Variants in KLHL8 observed in about 807,000 individuals in gnomAD.
The protein encoded by KLHL8 is kelch-like protein 8.
A neutral mutation model predicts 63.5 loss-of-function variants in KLHL8; 38 were observed. The ratio of observed to expected loss-of-function variants is 0.60; its 90% CI spans 0.46 to 0.78. The LOEUF is 0.78. Among genes scored for constraint, KLHL8 ranks in the 30% least tolerant of loss-of-function variants. The pLI is 0.00. For synonymous variants in KLHL8, 224 were observed against 254.3 expected, an observed-to-expected ratio of 0.88 and a Z score of 1.13; for missense variants, 566 against 752.4, an observed-to-expected ratio of 0.75 and a Z score of 2.90.
At chr4:87,196,227 G>T (rs1351747838) in intron 1 of KLHL8, among the ~76,000 whole-genome samples, 2 of 151,016 alleles carry the variant, frequency 1.3e-5, no homozygotes, top group African/African-American at 4.9e-5. Flanking sequence ...TTTCATCCAA[G>T]CCTAAGTAGA....
intron 2 of KLHL8, 60 bp downstream of exon 2, chr4:87,195,264 C>T: frequency 2.9e-6 from 4 of 1,368,220 alleles, no homozygotes; most frequent in South Asian, 2.6e-5. Context: ...GTTACAGAAA[C>T]CCCCATTTCT....
At chr4:87,206,294 G>T (rs1732130128) in intron 1 of KLHL8, among the ~76,000 whole-genome samples, 1 of 152,146 alleles carries the variant, frequency 6.6e-6, no homozygotes, top group South Asian at 2.1e-4. Flanking sequence ...ATCTCTCAAG[G>T]ATTAGATGCT....
intron 1 of KLHL8, among the ~76,000 whole-genome samples, chr4:87,201,089 C>T (rs1414381294): frequency 1.3e-5 from 2 of 152,034 alleles, no homozygotes; most frequent in Non-Finnish European, 2.9e-5. Flanking sequence ...CTGAAGCAGT[C>T]AAATTCATAG....
intron 1 of KLHL8, among the ~76,000 whole-genome samples, chr4:87,199,104 A>G (rs1405426954): frequency 6.6e-6 from 1 of 152,290 alleles, no homozygotes; most frequent in South Asian, 2.1e-4. Context: ...AAAAAAACCT[A>G]CTTTAAGTAT....
At chr4:87,206,337 A>C (rs576362476) in intron 1 of KLHL8, among the ~76,000 whole-genome samples, 1 of 152,292 alleles carries the variant, frequency 6.6e-6, no homozygotes, top group Middle Eastern at 3.4e-3. Context: ...TGTCCTTTCC[A>C]AACTGCTTAA....
At chr4:87,166,260 G>A (rs146353148) in intron 8 of KLHL8, among the ~76,000 whole-genome samples, 81 of 152,292 alleles carry the variant, frequency 5.3e-4, no homozygotes, top group Non-Finnish European at 7.9e-4. Context: ...TAATACACAT[G>A]AGCACTGAAA....
At chr4:87,170,014 T>A in intron 8 of KLHL8, 65 bp downstream of exon 8, 1 of 1,255,744 alleles carries the variant, frequency 8.0e-7, no homozygotes, top group East Asian at 2.3e-5. Flanking sequence ...TAATTTTTGT[T>A]ACTCTGTTAT....
chr4:87,163,381 C>T lies in KLHL8; in HGVS notation c.*138G>A, dbSNP rs1169307510. ...TTCAGGTATCATTCCAAAAGTTGTA[C>T]TTAGTCACAATACAACAGTTAACAT... is the stretch of plus-strand genomic sequence containing the variant. On this transcript the variant is annotated 3_prime_UTR_variant, in exon 10 of 10. Transcript: ENST00000273963. 1 of 767,040 alleles carries T rather than the reference C, an allele frequency of 1.3e-6. No individual in the cohort carries two copies. The highest frequency in any genetic ancestry group is 1.8e-5 in the African/African-American group (1 of 56,710). The allele number at this position is 767,040 out of a possible 1,614,324, so 47.5% of individuals were successfully genotyped here.
chr4:87,164,626 T>C (rs1483238854), intron 8 of KLHL8, among the ~76,000 whole-genome samples: 1 of 152,178 alleles, frequency 6.6e-6, no homozygotes, highest in African/African-American at 2.4e-5. Context: ...ATAACAACAT[T>C]TTCCTCCTAC....
chr4:87,173,650 TCA>T (rs1348415556), intron 6 of KLHL8, among the ~76,000 whole-genome samples: 1 of 152,250 alleles, frequency 6.6e-6, no homozygotes, highest in Non-Finnish European at 1.5e-5. Flanking sequence ...CTATTATTTT[TCA>T]CACAGATTGT....
chr4:87,187,797 A>G (rs1235664062), intron 2 of KLHL8, among the ~76,000 whole-genome samples: 1 of 152,070 alleles, frequency 6.6e-6, no homozygotes, highest in Non-Finnish European at 1.5e-5. Flanking sequence ...TATTTATCCC[A>G]TTTTCCCAGG....
chr4:87,223,240 C>CT (rs1224274458), upstream of KLHL8, among the ~76,000 whole-genome samples: 6 of 152,094 alleles, frequency 3.9e-5, no homozygotes, highest in Admixed American at 1.3e-4. Flanking sequence ...TCCCAAAGTG[C>CT]TGGGATTACA....
chr4:87,176,728 G>T, intron 6 of KLHL8, 29 bp downstream of exon 6: 1 of 1,279,168 alleles, frequency 7.8e-7, no homozygotes, highest in Non-Finnish European at 1.1e-6. Context: ...TCCACCATCA[G>T]TTCAAAATAA....
At chr4:87,175,943 T>C (rs1006697150) in intron 6 of KLHL8, among the ~76,000 whole-genome samples, 5 of 152,182 alleles carry the variant, frequency 3.3e-5, no homozygotes, top group African/African-American at 1.2e-4. Flanking sequence ...ACTAGATACT[T>C]TTCTAATAAG....
In KLHL8 at chr4:87,185,292, G is replaced by A; in HGVS notation, c.724C>T (p.Pro242Ser). The change falls in exon 3 of 10, where the codon CCT (proline) becomes TCT (serine). Residue 242 changes from proline (P) to serine (S), a missense_variant. By Grantham distance (74) the Pro-to-Ser change is moderately conservative. Transcript: ENST00000273963. ...NAAIKWLLAN[P>S]QHHSKWLDET... The stretch of plus-strand genomic sequence containing the variant: ...TCCAACCATTTGGAATGATGCTGAG[G>A]ATTGGCAAGAAGCCACTTGATGGCA... 6.2e-7 allele frequency: 1 copy of A among 1,614,044 alleles called. No homozygotes were observed. Among genetic ancestry groups the A allele is most frequent in the Non-Finnish European group, 8.5e-7 (1 of 1,179,976 alleles).
chr4:87,193,072 A>T (rs4693160), intron 2 of KLHL8, among the ~76,000 whole-genome samples: 145,240 of 152,164 alleles, frequency 0.95, 69,658 homozygotes, highest in East Asian at 1. Flanking sequence ...ACACTAAATT[A>T]AAAAAAATAT....
intron 1 of KLHL8, among the ~76,000 whole-genome samples, chr4:87,205,576 G>A (rs1210573913): frequency 6.6e-6 from 1 of 152,102 alleles, no homozygotes; most frequent in Non-Finnish European, 1.5e-5. Flanking sequence ...TTCCGCCTCA[G>A]CACCCCCTGC....
chr4:87,239,679 A>C (rs943445642), intron 1 of KLHL8, among the ~76,000 whole-genome samples: 2 of 152,164 alleles, frequency 1.3e-5, no homozygotes, highest in Admixed American at 1.3e-4. Context: ...CAGTACTAAC[A>C]ATACATCCTC....
At chr4:87,222,971 GAGAC>G (rs1465891165), upstream of KLHL8, among the ~76,000 whole-genome samples, 1 of 151,836 alleles carries the variant, frequency 6.6e-6, no homozygotes, top group Non-Finnish European at 1.5e-5. Flanking sequence ...TTTTATTTTA[GAGAC>G]AGAGTCTCAC....
Sources: gnomAD v4.1 joint callset for allele counts (sites outside exome capture counted in the v4.1 genomes callset) on GRCh38, gnomAD v4.1.1 for gene constraint, MANE v1.5 for transcripts, NCBI Gene and HGNC (gene_info 2026-07-23, HGNC 2026-07-21) for gene names.